Variants in NPIPA5 observed in about 807,000 individuals in gnomAD.
The protein encoded by NPIPA5 is nuclear pore complex interacting protein family member A5, also known as nuclear pore complex-interacting protein family member A5.
In NPIPA5, 6 loss-of-function variants were observed where a neutral mutation model predicts 21.4. The ratio of observed to expected loss-of-function variants is 0.28; its 90% CI spans 0.15 to 0.55. The LOEUF (loss-of-function observed/expected upper bound fraction) is 0.55, where lower values mean the gene tolerates loss of function less well. Ranked by LOEUF, NPIPA5 falls within the 20% of genes least tolerant of loss-of-function variation. NPIPA5 has a pLI of 0.93. For synonymous variants in NPIPA5, 33 were observed against 115.3 expected, an observed-to-expected ratio of 0.29 and a Z score of 4.57; for missense variants, 99 against 318.2, an observed-to-expected ratio of 0.31 and a Z score of 5.24.
chr16:15,381,622 T>TAA (rs2050434106), upstream of NPIPA5: 1 of 151,706 alleles, frequency 6.6e-6, no homozygotes. Context: ...ATCAGCTGTG[T>TAA]GATCTGGGTA....
chr16:15,366,930 A>T (rs932200920), intron 4 of NPIPA5, among the ~76,000 whole-genome samples, 170 bp from the exon 5 acceptor site: 3 of 147,490 alleles, frequency 2.0e-5, no homozygotes, highest in East Asian at 2.0e-4. Context: ...ATTGAGGGAT[A>T]AAAAAAAATC....
At chr16:15,367,170 T>C (rs1414088248) in intron 4 of NPIPA5, among the ~76,000 whole-genome samples, 1 of 152,128 alleles carries the variant, frequency 6.6e-6, no homozygotes, top group Non-Finnish European at 1.5e-5. Context: ...AAGCAGAGGA[T>C]TGCTCCTCAT....
chr16:15,379,901 G>A (rs1265448501), upstream of NPIPA5, among the ~76,000 whole-genome samples: 2 of 151,680 alleles, frequency 1.3e-5, no homozygotes, highest in Non-Finnish European at 2.9e-5. Flanking sequence ...CCGAGATTGT[G>A]CCATTGCACT....
At position 15,363,748 on chromosome 16, in the gene NPIPA5, G is replaced by T; in HGVS notation, c.964C>A (p.Pro322Thr). ...LLTPLPPSAP[P>T]SADDNLKTPP... ...GTCTTGAGATTATCATCCGCTGAGGGTGGAGCTGAGGGTGGAAGGGGAGTG... is the reference window on the plus strand; with the variant it reads ...GTCTTGAGATTATCATCCGCTGAGGTTGGAGCTGAGGGTGGAAGGGGAGTG... Residue 322 changes from proline to threonine, a missense_variant, in exon 8 of 8, where the codon CCC becomes ACC. Pro to Thr is a conservative substitution (Grantham distance 38, BLOSUM62 -1). Around this residue, in one of 5 missense-constraint regions of NPIPA5, gnomAD observed 75 missense variants for 138.5 expected, o/e 0.54. Coordinates refer to ENST00000360151, the MANE Select transcript of NPIPA5 (RefSeq NM_001277325.2). 3 of 1,419,974 alleles carry T rather than the reference G, an allele frequency of 2.1e-6. No individual in the cohort carries two copies. The highest frequency in any genetic ancestry group is 2.4e-5 in the South Asian group (2 of 82,290). 88.0% of individuals were successfully genotyped at this position (1,419,974 alleles called of 1,614,324 possible). A position where few individuals can be genotyped will look rare whatever the true frequency, so the allele number is the denominator to read the frequency against.
chr16:15,376,001 A>C (rs2050281734), intron 1 of NPIPA5, among the ~76,000 whole-genome samples: 1 of 151,252 alleles, frequency 6.6e-6, no homozygotes, highest in Admixed American at 6.6e-5. Flanking sequence ...GCCCTTCAAC[A>C]GGTTGAACTC....
chr16:15,370,875 C>T (rs1441693601), intron 2 of NPIPA5, among the ~76,000 whole-genome samples: 8 of 146,310 alleles, frequency 5.5e-5, no homozygotes, highest in African/African-American at 1.5e-4. Flanking sequence ...GGTGAAACCC[C>T]GTCTCTACTA....
chr16:15,379,471 G>A (rs1404970651), upstream of NPIPA5, among the ~76,000 whole-genome samples: 5 of 151,894 alleles, frequency 3.3e-5, no homozygotes, highest in African/African-American at 1.2e-4. Context: ...GGAGGCTGAG[G>A]CAGGAGAATA....
At position 15,372,094 on chromosome 16, in the gene NPIPA5, AC is replaced by A. The variant is rs2050170819; in HGVS notation, c.192+1620del. ...TGATGTCCCTGCTTAGGAGGTAATG[AC>A]TAGATGACAAGGACAAAGATGAGAG... is the stretch of plus-strand genomic sequence containing the variant. On this transcript the variant is annotated intron_variant, in intron 2 of 7. Transcript: ENST00000360151. Among the ~76,000 whole-genome samples the A allele has an allele frequency of 2.7e-5, 4 of 148,946 alleles. No homozygotes were observed. In the Admixed American group the frequency reaches 2.8e-4, roughly 10 times the overall value.
At chr16:15,379,776 C>A (rs2050392436), upstream of NPIPA5, among the ~76,000 whole-genome samples, 1 of 151,942 alleles carries the variant, frequency 6.6e-6, no homozygotes, top group Non-Finnish European at 1.5e-5. Context: ...GAAACCCCAT[C>A]TCTACTAAGA....
chr16:15,374,408 A>G, intron 1 of NPIPA5, among the ~76,000 whole-genome samples: 1 of 151,836 alleles, frequency 6.6e-6, no homozygotes, highest in Non-Finnish European at 1.5e-5. Flanking sequence ...CATGTTGGCC[A>G]GTCTGGCCTT....
rs1407954473 is a variant in NPIPA5, at chr16:15,364,080, AAAG to A, written c.643-14_643-12del. ...TGCCGCCATTCTGACCTGTAGGGCC[AAAG>A]GAGGGAATGTTTTCACACATATTCA... On this transcript the variant is annotated splice_polypyrimidine_tract_variant and intron_variant, in intron 7 of 7. Transcript: ENST00000360151. 6.4e-7 allele frequency: 1 copy of A among 1,553,760 alleles called. No homozygotes were observed. The highest frequency in any genetic ancestry group is 1.4e-5 in the African/African-American group (1 of 70,884).
At chr16:15,369,157 T>TAAA (rs1205864138) in intron 4 of NPIPA5, among the ~76,000 whole-genome samples, 1 of 125,008 alleles carries the variant, frequency 8.0e-6, no homozygotes, top group African/African-American at 3.0e-5. Flanking sequence ...ATCTCAAAAT[T>TAAA]AAAAAAAAAA....
intron 4 of NPIPA5, among the ~76,000 whole-genome samples, chr16:15,369,157 T>TAA (rs1205864138): frequency 1.6e-4 from 20 of 125,008 alleles, no homozygotes; most frequent in African/African-American, 5.4e-4. Context: ...ATCTCAAAAT[T>TAA]AAAAAAAAAA....
At chr16:15,377,366 A>G (rs376346169) in intron 1 of NPIPA5, among the ~76,000 whole-genome samples, 141 of 148,714 alleles carry the variant, frequency 9.5e-4, no homozygotes, top group African/African-American at 2.9e-3. Context: ...CGCGGGTCCA[A>G]CGTCTACTCA....
At chr16:15,370,472 G>A (rs2050123126) in intron 2 of NPIPA5, among the ~76,000 whole-genome samples, 1 of 142,638 alleles carries the variant, frequency 7.0e-6, no homozygotes, top group Admixed American at 7.5e-5. Flanking sequence ...ATGACATGAG[G>A]CTGGCATGGT....
At chr16:15,366,944 C>T (rs2049992183) in intron 4 of NPIPA5, among the ~76,000 whole-genome samples, 184 bp from the exon 5 acceptor site, 1 of 152,052 alleles carries the variant, frequency 6.6e-6, no homozygotes, top group Non-Finnish European at 1.5e-5. Context: ...AAAAATCACA[C>T]TCTGGCCTGC....
upstream of NPIPA5, among the ~76,000 whole-genome samples, chr16:15,378,785 A>G (rs2050370516): frequency 2.1e-5 from 1 of 47,568 alleles, no homozygotes. Flanking sequence ...ATATTATCTT[A>G]CTGCCCGTGT....
At chr16:15,376,640 C>G (rs533292186) in intron 1 of NPIPA5, among the ~76,000 whole-genome samples, 23 of 151,452 alleles carry the variant, frequency 1.5e-4, no homozygotes, top group Non-Finnish European at 2.7e-4. Context: ...ATATTTTGGC[C>G]AGGCGCGGTG....
chr16:15,379,630 T>A (rs3953951), upstream of NPIPA5, among the ~76,000 whole-genome samples: 8 of 151,160 alleles, frequency 5.3e-5, no homozygotes, highest in African/African-American at 1.5e-4. Context: ...ATTCAATTCT[T>A]TTTATATGCT....
Sources: allele counts gnomAD v4.1 joint callset (sites outside exome capture counted in the v4.1 genomes callset), GRCh38; gene constraint gnomAD v4.1.1; regional missense constraint gnomAD v4.1.1; transcripts MANE v1.5; gene names NCBI Gene and HGNC (gene_info 2026-07-23, HGNC 2026-07-21).